Variants in CUL3 observed in about 807,000 individuals in gnomAD.
CUL3 encodes cullin 3.
A neutral mutation model predicts 89.1 loss-of-function variants in CUL3; 19 were observed. That is an observed-to-expected ratio of 0.21 (90% CI 0.15 to 0.31). The LOEUF (loss-of-function observed/expected upper bound fraction) is 0.31. CUL3 is among the 10% of genes least tolerant of loss of function. The pLI is 1.00. For missense variants in CUL3, 469 were observed against 942.3 expected, an observed-to-expected ratio of 0.50 and a Z score of 6.58; for synonymous variants, 351 against 308.4, an observed-to-expected ratio of 1.14 and a Z score of -1.45.
chr2:224,509,486 G>A (rs960756138), intron 6 of CUL3, among the ~76,000 whole-genome samples: 1 of 152,228 alleles, frequency 6.6e-6, no homozygotes, highest in African/African-American at 2.4e-5. Context: ...CAAAAATACT[G>A]AGATTACAGG....
At chr2:224,583,145 G>C (rs1574713209) in intron 1 of CUL3, among the ~76,000 whole-genome samples, 1 of 152,162 alleles carries the variant, frequency 6.6e-6, no homozygotes, top group Non-Finnish European at 1.5e-5. Flanking sequence ...TTGGGAGGCC[G>C]AGGTCGGTGA....
chr2:224,561,939 G>C (rs1694915264), intron 1 of CUL3, among the ~76,000 whole-genome samples: 1 of 152,156 alleles, frequency 6.6e-6, no homozygotes, highest in African/African-American at 2.4e-5. Flanking sequence ...TTTCAAAAAA[G>C]AGAAAAGTTA....
chr2:224,496,094 A>T, intron 12 of CUL3, 128 bp from the exon 13 acceptor site: 1 of 967,076 alleles, frequency 1.0e-6, no homozygotes, highest in Non-Finnish European at 1.5e-6. Context: ...GCAGTGGCGC[A>T]AACACAGCTC....
chr2:224,472,862 G>A lies in CUL3; in HGVS notation c.*1383C>T. On this transcript the variant is annotated 3_prime_UTR_variant, in exon 16 of 16. Transcript: ENST00000264414. Reference sequence around the variant, plus strand: ...ATACATTCTAATAAATGTATCAACAGTACTGATAGTCAACGAAGGGTCAAT... The same window carrying A: ...ATACATTCTAATAAATGTATCAACAATACTGATAGTCAACGAAGGGTCAAT... 1 of 211,258 alleles carries A rather than the reference G, an allele frequency of 4.7e-6. No individual in the cohort carries two copies. Among genetic ancestry groups the A allele is most frequent in the Non-Finnish European group, 9.6e-6 (1 of 103,792 alleles). 13.1% of individuals were successfully genotyped at this position (211,258 alleles called of 1,614,324 possible). A position where few individuals can be genotyped will look rare whatever the true frequency, so the allele number is the denominator to read the frequency against.
At chr2:224,515,361 A>C (rs868825506) in intron 3 of CUL3, among the ~76,000 whole-genome samples, 1 of 152,228 alleles carries the variant, frequency 6.6e-6, no homozygotes, top group African/African-American at 2.4e-5. Context: ...AAGCACAGAT[A>C]ATCCAGAAGT....
At chr2:224,573,315 A>G (rs530387183) in intron 1 of CUL3, among the ~76,000 whole-genome samples, 1 of 152,336 alleles carries the variant, frequency 6.6e-6, no homozygotes, top group Admixed American at 6.5e-5. Context: ...TCGGCCTTAC[A>G]ATTTAAAGTA....
chr2:224,539,336 C>T (rs1225512071), intron 2 of CUL3, among the ~76,000 whole-genome samples: 3 of 152,168 alleles, frequency 2.0e-5, no homozygotes, highest in Non-Finnish European at 4.4e-5. Context: ...AAAAGAGTAT[C>T]TCATACACTG....
chr2:224,578,827 A>T (rs1695370685), intron 1 of CUL3, among the ~76,000 whole-genome samples: 1 of 152,142 alleles, frequency 6.6e-6, no homozygotes, highest in Admixed American at 6.5e-5. Flanking sequence ...ATAACAAAAA[A>T]TTCCCTTTAA....
Position 224,473,424 on chromosome 2 carries a change from A to G in CUL3, c.*821T>C. 5.3e-6 allele frequency: 1 copy of G among 189,104 alleles called. No individual in the cohort carries two copies. The allele number at this position is 189,104 out of a possible 1,614,324, so 11.7% of individuals were successfully genotyped here. A position where few individuals can be genotyped will look rare whatever the true frequency, so the allele number is the denominator to read the frequency against. On this transcript the variant is annotated 3_prime_UTR_variant, in exon 16 of 16. Coordinates refer to ENST00000264414, the MANE Select transcript of CUL3 (RefSeq NM_003590.5). ...TAGTGGGTATGTGTATACTAAATTC[A>G]TTATTTTTGTCTACAATAAATGAAA... is the stretch of plus-strand genomic sequence containing the variant.
At chr2:224,502,728 T>C (rs1021219429) in intron 10 of CUL3, among the ~76,000 whole-genome samples, 1 of 152,198 alleles carries the variant, frequency 6.6e-6, no homozygotes, top group Non-Finnish European at 1.5e-5. Flanking sequence ...CTTTATTAAA[T>C]TGTCAGTGTA....
chr2:224,492,413 TTC>T (rs925855872), intron 13 of CUL3, among the ~76,000 whole-genome samples: 2 of 152,228 alleles, frequency 1.3e-5, no homozygotes, highest in African/African-American at 4.8e-5. Context: ...TCTATTTAAA[TTC>T]TGACATTAAT....
intron 1 of CUL3, 52 bp downstream of exon 1, chr2:224,584,892 C>G (rs550043684): frequency 1.2e-5 from 17 of 1,384,730 alleles, no homozygotes; most frequent in Non-Finnish European, 1.5e-5. Context: ...TCGCGTGCGG[C>G]TCTCGGCCCG....
intron 2 of CUL3, among the ~76,000 whole-genome samples, chr2:224,538,723 G>C (rs770487830): frequency 2.6e-5 from 4 of 152,220 alleles, no homozygotes; most frequent in Non-Finnish European, 5.9e-5. Flanking sequence ...TTGAGAGCAG[G>C]ATGGGACCAG....
At chr2:224,583,596 A>T (rs1227732114) in intron 1 of CUL3, among the ~76,000 whole-genome samples, 1 of 152,202 alleles carries the variant, frequency 6.6e-6, no homozygotes, top group African/African-American at 2.4e-5. Context: ...ATCTTTAATT[A>T]TTATCAAAAC....
intron 13 of CUL3, among the ~76,000 whole-genome samples, chr2:224,489,172 G>A (rs1259746757): frequency 6.6e-6 from 1 of 152,152 alleles, no homozygotes; most frequent in African/African-American, 2.4e-5. Flanking sequence ...ACAAAAGCTG[G>A]AAGCATTCCC....
chr2:224,543,934 G>A (rs1027727940), intron 2 of CUL3, among the ~76,000 whole-genome samples: 11 of 151,932 alleles, frequency 7.2e-5, no homozygotes, highest in Admixed American at 4.6e-4. Context: ...GCAGTGAGCC[G>A]AGATCATGCC....
At chr2:224,582,911 G>A (rs1055411996) in intron 1 of CUL3, among the ~76,000 whole-genome samples, 13 of 152,144 alleles carry the variant, frequency 8.5e-5, no homozygotes, top group Non-Finnish European at 1.5e-5. Flanking sequence ...AACCTGAAGA[G>A]GTCAAAGAGT....
At chr2:224,543,866 T>A (rs889154773) in intron 2 of CUL3, among the ~76,000 whole-genome samples, 1 of 151,970 alleles carries the variant, frequency 6.6e-6, no homozygotes, top group African/African-American at 2.4e-5. Flanking sequence ...GTGCCTGTAG[T>A]CCCAGCTATT....
intron 14 of CUL3, chr2:224,478,871 C>T (rs1691425665): frequency 1.3e-5 from 2 of 152,464 alleles, no homozygotes; most frequent in South Asian, 4.1e-4. Flanking sequence ...GATGTCAGTT[C>T]CTAAAATCTC....
Sources: gnomAD v4.1 joint callset for allele counts (sites outside exome capture counted in the v4.1 genomes callset) on GRCh38, gnomAD v4.1.1 for gene constraint, MANE v1.5 for transcripts, NCBI Gene and HGNC (gene_info 2026-07-23, HGNC 2026-07-21) for gene names.